The following FMN1 variants were observed in gnomAD, a reference collection of about 807,000 sequenced individuals.
FMN1 encodes formin 1.
A neutral mutation model predicts 132.4 loss-of-function variants in FMN1; 110 were observed. That is an observed-to-expected ratio of 0.83 (90% CI 0.71 to 0.97). The LOEUF is 0.97. FMN1 is among the 50% of genes least tolerant of loss of function. The probability of loss-of-function intolerance (pLI) is 0.00; values close to 1 mark genes in which losing one functional copy is unlikely to be tolerated. For synonymous variants in FMN1, 722 were observed against 651.7 expected, an observed-to-expected ratio of 1.11 and a Z score of -1.64; for missense variants, 1,792 against 1,705.3, an observed-to-expected ratio of 1.05 and a Z score of -0.90.
chr15:33,016,136 T>C (rs964871856), intron 6 of FMN1, among the ~76,000 whole-genome samples: 3 of 152,122 alleles, frequency 2.0e-5, no homozygotes, highest in Non-Finnish European at 4.4e-5. Context: ...AATTAAATAA[T>C]AGTAAAAATA....
intron 4 of FMN1, among the ~76,000 whole-genome samples, chr15:33,099,024 T>C (rs972373880): frequency 3.9e-5 from 6 of 152,104 alleles, no homozygotes; most frequent in African/African-American, 1.4e-4. Flanking sequence ...CCTAACACTT[T>C]GGGAAGCTGA....
intron 17 of FMN1, among the ~76,000 whole-genome samples, chr15:32,820,954 C>T (rs1167448526): frequency 1.3e-5 from 2 of 152,080 alleles, no homozygotes; most frequent in South Asian, 4.2e-4. Flanking sequence ...AAGGTCTCGT[C>T]TACTCCCAAG....
chr15:32,871,286 C>T (rs1454829559), intron 16 of FMN1, among the ~76,000 whole-genome samples: 1 of 152,214 alleles, frequency 6.6e-6, no homozygotes, highest in African/African-American at 2.4e-5. Context: ...TGCATACTTT[C>T]TCTTTCAGGG....
chr15:32,968,059 A>G (rs2031409701), intron 8 of FMN1, among the ~76,000 whole-genome samples: 1 of 152,218 alleles, frequency 6.6e-6, no homozygotes, highest in Non-Finnish European at 1.5e-5. Context: ...CAGCTTAACA[A>G]TCTATACAAA....
chr15:32,967,123 G>A (rs1191717508), intron 8 of FMN1, among the ~76,000 whole-genome samples: 1 of 152,190 alleles, frequency 6.6e-6, no homozygotes, highest in African/African-American at 2.4e-5. Context: ...CTAGATTTAT[G>A]ATGAAACCAG....
chr15:33,021,460 C>CAG (rs1234715633), intron 6 of FMN1, among the ~76,000 whole-genome samples: 1 of 151,872 alleles, frequency 6.6e-6, no homozygotes, highest in African/African-American at 2.4e-5. Context: ...CACACACACA[C>CAG]ACAGAGAAAA....
intron 15 of FMN1, among the ~76,000 whole-genome samples, 182 bp from the exon 16 acceptor site, chr15:32,888,474 C>T (rs978855440): frequency 6.6e-6 from 1 of 152,180 alleles, no homozygotes; most frequent in Non-Finnish European, 1.5e-5. Context: ...TCTTGTCTTT[C>T]ACAATCTCTT....
intron 6 of FMN1, among the ~76,000 whole-genome samples, chr15:33,015,009 G>A (rs1368833947): frequency 6.6e-6 from 1 of 152,170 alleles, no homozygotes; most frequent in East Asian, 1.9e-4. Context: ...TGAAAAGGTA[G>A]ACCCTATCAT....
At chr15:33,171,619 A>T (rs1965324141) in intron 3 of FMN1, among the ~76,000 whole-genome samples, 2 of 152,202 alleles carry the variant, frequency 1.3e-5, no homozygotes, top group African/African-American at 4.8e-5. Flanking sequence ...TTTAATTATT[A>T]ATGGAGGAAA....
At chr15:32,823,912 G>A (rs1417885446) in intron 17 of FMN1, among the ~76,000 whole-genome samples, 1 of 152,228 alleles carries the variant, frequency 6.6e-6, no homozygotes, top group Non-Finnish European at 1.5e-5. Flanking sequence ...ATGGAGCCTG[G>A]AGCTGTAACA....
chr15:32,855,702 T>A (rs1350729632), intron 17 of FMN1, among the ~76,000 whole-genome samples: 3 of 152,198 alleles, frequency 2.0e-5, no homozygotes, highest in Admixed American at 2.0e-4. Flanking sequence ...GGAATCCAAG[T>A]ACAAATGAGC....
rs77620075 is a variant in FMN1 at position 32,991,852 on chromosome 15, G to C, written c.2223+16162C>G. Among the ~76,000 whole-genome samples the C allele has an allele frequency of 9.2e-4, 140 of 152,270 alleles. 1 individual carries two copies. Among genetic ancestry groups the C allele is most frequent in the Middle Eastern group, 3.4e-3 (1 of 294 alleles). On this transcript the variant is annotated intron_variant, in intron 7 of 20. Transcript: ENST00000616417. ...ATTATATGGATCCAATAAGAGAGCT[G>C]CTTCTACGAACAAGAGAACAACCTC...
chr15:32,950,050 T>TATAC (rs1314321286), intron 9 of FMN1, among the ~76,000 whole-genome samples: 2 of 3,944 alleles, frequency 5.1e-4, no homozygotes, highest in Non-Finnish European at 1.4e-3. Context: ...TATATATATA[T>TATAC]ACACATATAT....
chr15:33,058,641 C>A (rs139565813), intron 6 of FMN1, among the ~76,000 whole-genome samples: 7 of 152,154 alleles, frequency 4.6e-5, no homozygotes, highest in African/African-American at 1.7e-4. Context: ...AAAAGAACAG[C>A]GTGAAACAAC....
chr15:33,000,011 C>T (rs977584132), intron 7 of FMN1, among the ~76,000 whole-genome samples: 1 of 152,200 alleles, frequency 6.6e-6, no homozygotes, highest in Non-Finnish European at 1.5e-5. Context: ...CAGAGTGACA[C>T]ATCTGAGAAG....
At chr15:33,177,823 G>A (rs1965565927) in intron 3 of FMN1, among the ~76,000 whole-genome samples, 1 of 152,002 alleles carries the variant, frequency 6.6e-6, no homozygotes, top group Non-Finnish European at 1.5e-5. Flanking sequence ...AGACCAACAT[G>A]GTGAAACCCT....
At chr15:32,997,039 C>A (rs2033812869) in intron 7 of FMN1, among the ~76,000 whole-genome samples, 1 of 152,138 alleles carries the variant, frequency 6.6e-6, no homozygotes, top group African/African-American at 2.4e-5. Context: ...ATTTTCTTAC[C>A]CAATTTACAA....
chr15:33,125,860 T>C (rs1474641464), intron 4 of FMN1, among the ~76,000 whole-genome samples: 2 of 152,228 alleles, frequency 1.3e-5, no homozygotes, highest in Admixed American at 6.5e-5. Context: ...AATCTCTAAA[T>C]GTTTAACTTC....
intron 19 of FMN1, among the ~76,000 whole-genome samples, chr15:32,779,402 A>T (rs1467082571): frequency 6.6e-6 from 1 of 152,212 alleles, no homozygotes; most frequent in East Asian, 1.9e-4. Flanking sequence ...AATGTAAACA[A>T]TTAGACAATA....
Sources: allele counts gnomAD v4.1 joint callset (sites outside exome capture counted in the v4.1 genomes callset), GRCh38; gene constraint gnomAD v4.1.1; transcripts MANE v1.5; gene names NCBI Gene and HGNC (gene_info 2026-07-23, HGNC 2026-07-21).